ZHX2: variants seen among roughly 807,000 people sequenced by gnomAD.
ZHX2 encodes the protein zinc fingers and homeoboxes protein 2.
Under a neutral mutation model 21.9 loss-of-function variants are expected in ZHX2, and 6 were observed. That is an observed-to-expected ratio of 0.27 (90% CI 0.15 to 0.54). The LOEUF is 0.54. Ranked by LOEUF, ZHX2 falls within the 20% of genes least tolerant of loss-of-function variation. The pLI, the probability that ZHX2 is intolerant of heterozygous loss-of-function variation, is 0.95. For missense variants in ZHX2, 908 were observed against 1,090.7 expected (o/e 0.83, Z 2.36); for synonymous variants, 434 against 437.1 (o/e 0.99, Z 0.09).
chr8:122,909,615 A>G (rs1009404990), intron 2 of ZHX2, among the ~76,000 whole-genome samples: 1 of 151,734 alleles, frequency 6.6e-6, no homozygotes, highest in Admixed American at 6.6e-5. Flanking sequence ...TCCCCCCCAC[A>G]ACCTGTTCCT....
intron 2 of ZHX2, among the ~76,000 whole-genome samples, chr8:122,922,349 G>A (rs1180358745): frequency 6.6e-6 from 1 of 151,950 alleles, no homozygotes; most frequent in South Asian, 2.1e-4. Context: ...TATGAAACTG[G>A]AAGAAAAACT....
intron 2 of ZHX2, among the ~76,000 whole-genome samples, chr8:122,925,012 C>T (rs1434722342): frequency 6.6e-6 from 1 of 152,208 alleles, no homozygotes; most frequent in Non-Finnish European, 1.5e-5. Context: ...ATACCTTACT[C>T]TGCTGTCAGC....
Position 122,954,022 on chromosome 8 carries a change from T to C in ZHX2, c.2512T>C (p.Ter838GlnextTer18). 2.5e-6 allele frequency: 4 copies of C among 1,580,280 alleles called. No homozygotes were observed. The East Asian group carries it at 9.0e-5, about 36-fold the overall frequency. ...DCVPAEAGQA[*>Q] ...CGTCCCTGCAGAGGCTGGCCAGGCC[T>C]AGACAGGTAATTCCACCTGCTCACC... is the stretch of plus-strand genomic sequence containing the variant. The change falls in exon 3 of 4, where the codon TAG becomes CAG. Residue 838 changes from the stop codon to glutamine, a stop_lost. Coordinates refer to ENST00000314393, the MANE Select transcript of ZHX2 (RefSeq NM_014943.5).
chr8:122,881,968 A>G (rs930498932), intron 2 of ZHX2, among the ~76,000 whole-genome samples: 14 of 152,216 alleles, frequency 9.2e-5, no homozygotes, highest in African/African-American at 3.1e-4. Flanking sequence ...AGAAGGATAC[A>G]GTTTGTTTCC....
At chr8:122,835,866 G>A (rs1302514912) in intron 1 of ZHX2, among the ~76,000 whole-genome samples, 1 of 152,162 alleles carries the variant, frequency 6.6e-6, no homozygotes, top group South Asian at 2.1e-4. Context: ...TTTCATTTGC[G>A]GGCCATTTGG....
In ZHX2 at chr8:122,951,534, A is replaced by G; in HGVS notation, c.24A>G (p.Thr8=). The change falls in exon 3 of 4, where the codon ACA becomes ACG. Residue 8 remains threonine, a synonymous_variant. Coordinates refer to ENST00000314393, the MANE Select transcript of ZHX2 (RefSeq NM_014943.5). MASKRKS[T]TPCMVRTSQV... Reference sequence around the variant, plus strand: ...GCATGGCTAGCAAACGAAAATCTACAACTCCATGCATGGTTCGGACATCAC... The same window carrying G: ...GCATGGCTAGCAAACGAAAATCTACGACTCCATGCATGGTTCGGACATCAC... 6.2e-7 allele frequency: 1 copy of G among 1,612,986 alleles called. No individual in the cohort carries two copies. The highest frequency in any genetic ancestry group is 8.5e-7 in the Non-Finnish European group (1 of 1,179,458).
intron 1 of ZHX2, among the ~76,000 whole-genome samples, chr8:122,803,527 C>T (rs1448341935): frequency 6.6e-6 from 1 of 152,242 alleles, no homozygotes; most frequent in African/African-American, 2.4e-5. Flanking sequence ...TATTTGGCGG[C>T]ATCCCTGGCC....
intron 1 of ZHX2, among the ~76,000 whole-genome samples, chr8:122,819,625 C>G (rs1255615029): frequency 6.6e-6 from 1 of 152,196 alleles, no homozygotes; most frequent in African/African-American, 2.4e-5. Flanking sequence ...AGTAGAATTG[C>G]CCGCATGAAA....
chr8:122,792,952 G>C (rs563753598), intron 1 of ZHX2, among the ~76,000 whole-genome samples: 1 of 152,176 alleles, frequency 6.6e-6, no homozygotes, highest in Non-Finnish European at 1.5e-5. Flanking sequence ...AGGGCACTGT[G>C]CTCACTGTTG....
intron 3 of ZHX2, among the ~76,000 whole-genome samples, chr8:122,964,798 T>G (rs978494767): frequency 6.6e-6 from 1 of 152,118 alleles, no homozygotes; most frequent in African/African-American, 2.4e-5. Context: ...GGCAATTTTT[T>G]TATTACTCTT....
At chr8:122,967,402 AGTG>A (rs1248346082) in intron 3 of ZHX2, among the ~76,000 whole-genome samples, 1 of 152,070 alleles carries the variant, frequency 6.6e-6, no homozygotes, top group African/African-American at 2.4e-5. Context: ...GCCAGACTGC[AGTG>A]GTAATTATTG....
At chr8:122,947,053 C>A (rs374658482) in intron 2 of ZHX2, among the ~76,000 whole-genome samples, 1 of 134,840 alleles carries the variant, frequency 7.4e-6, no homozygotes, top group East Asian at 2.1e-4. Flanking sequence ...CCCAGGAGTT[C>A]GAGACCAGCC....
At chr8:122,947,210 A>T (rs931991764) in intron 2 of ZHX2, among the ~76,000 whole-genome samples, 2 of 151,314 alleles carry the variant, frequency 1.3e-5, no homozygotes, top group East Asian at 3.9e-4. Flanking sequence ...GGTTGCAGTG[A>T]GCTGAGATCG....
chr8:122,942,498 G>A (rs536197041), intron 2 of ZHX2, among the ~76,000 whole-genome samples: 16 of 152,292 alleles, frequency 1.1e-4, no homozygotes, highest in Non-Finnish European at 2.1e-4. Context: ...TTCCCTGAGA[G>A]CGAGCAGCTC....
In ZHX2 at chr8:122,916,948, T is replaced by C. The variant is rs1369307751; in HGVS notation, c.-219-34344T>C. Among the ~76,000 whole-genome samples the C allele has an allele frequency of 2.0e-5, 3 of 152,040 alleles. No homozygotes were observed. In the South Asian group the frequency reaches 6.2e-4, roughly 32 times the overall value. On this transcript the variant is annotated intron_variant, in intron 2 of 3. Coordinates refer to ENST00000314393, the MANE Select transcript of ZHX2 (RefSeq NM_014943.5). ...CTCTGTTCTTTTGCTCATGCATTTC[T>C]CCTGATTTTCAAGACCCACATTCAC...
At chr8:122,829,767 C>T (rs1818331976) in intron 1 of ZHX2, among the ~76,000 whole-genome samples, 1 of 152,078 alleles carries the variant, frequency 6.6e-6, no homozygotes, top group Non-Finnish European at 1.5e-5. Flanking sequence ...AATAAATGAC[C>T]CCAGCCAGAA....
At chr8:122,877,985 AGGGG>A (rs1819610563) in intron 2 of ZHX2, among the ~76,000 whole-genome samples, 1 of 152,140 alleles carries the variant, frequency 6.6e-6, no homozygotes, top group Admixed American at 6.5e-5. Flanking sequence ...GTGAGACATA[AGGGG>A]GAGAGCAAAG....
At position 122,841,569 on chromosome 8, in the gene ZHX2, G is replaced by A. The variant is rs577951377; in HGVS notation, c.-282-21908G>A. 3.9e-5 allele frequency among the ~76,000 whole-genome samples: 6 copies of A among 152,248 alleles called. No individual in the cohort carries two copies. The South Asian group carries it at 1.0e-3, about 26-fold the overall frequency. ...GGGTTGGGGGGCAATCCAGGCAGAG[G>A]GGCAGCCTGAGCAGAGAGGCACAGT... On this transcript the variant is annotated intron_variant, in intron 1 of 3. Coordinates refer to ENST00000314393, the MANE Select transcript of ZHX2 (RefSeq NM_014943.5).
intron 2 of ZHX2, among the ~76,000 whole-genome samples, chr8:122,909,855 G>T (rs1053215271): frequency 1.1e-4 from 16 of 152,142 alleles, no homozygotes; most frequent in Non-Finnish European, 1.5e-5. Flanking sequence ...GGAAGGCAGG[G>T]GTCTCCCCAT....
Sources: allele counts gnomAD v4.1 joint callset (sites outside exome capture counted in the v4.1 genomes callset), GRCh38; gene constraint gnomAD v4.1.1; transcripts MANE v1.5; gene names NCBI Gene and HGNC (gene_info 2026-07-23, HGNC 2026-07-21).